The following DTNB variants were observed in gnomAD, a reference collection of about 807,000 sequenced individuals.
DTNB encodes dystrobrevin beta.
A neutral mutation model predicts 90.7 loss-of-function variants in DTNB; 63 were observed. The ratio of observed to expected loss-of-function variants is 0.69; its 90% confidence interval spans 0.57 to 0.86. DTNB has a LOEUF of 0.86. Among genes scored for constraint, DTNB ranks in the 40% least tolerant of loss-of-function variants. The probability of loss-of-function intolerance (pLI) is 0.00; values close to 1 mark genes in which losing one functional copy is unlikely to be tolerated. For missense variants in DTNB, 744 were observed against 807.1 expected, an observed-to-expected ratio of 0.92 and a Z score of 0.95; for synonymous variants, 277 against 286.7, an observed-to-expected ratio of 0.97 and a Z score of 0.34.
rs755650361 is a variant in DTNB, at chr2:25,387,247, G to A, written c.1825+42C>T. 1 of 1,588,096 alleles carries A rather than the reference G, an allele frequency of 6.3e-7. No individual in the cohort carries two copies. The highest frequency in any genetic ancestry group is 8.6e-7 in the Non-Finnish European group (1 of 1,161,502). Reference sequence around the variant, plus strand: ...AGGAAGTGAGAAGGGCGCGGGCAAGGCAGGGGAGGCCAGGAAGCTGGCTGG... The same window carrying A: ...AGGAAGTGAGAAGGGCGCGGGCAAGACAGGGGAGGCCAGGAAGCTGGCTGG... On this transcript the variant is annotated intron_variant, in intron 18 of 20. Transcript: ENST00000406818. The surrounding 1 kb of genome is among the most constrained non-coding windows in gnomAD (Gnocchi z 4.5).
In DTNB at chr2:25,462,009, T is replaced by G. The variant is rs547342726; in HGVS notation, c.1080-6515A>C. Among the ~76,000 whole-genome samples the G allele has an allele frequency of 2.0e-5, 3 of 152,302 alleles. No individual in the cohort carries two copies. The East Asian group carries it at 5.8e-4, about 29-fold the overall frequency. On this transcript the variant is annotated intron_variant, in intron 10 of 20. Coordinates refer to ENST00000406818, the MANE Select transcript of DTNB (RefSeq NM_021907.5). ...AGCCAATGCTAATGATGACCAGAGC[T>G]GAGGACAGAGGGTCTTGAATGGGAC...
At chr2:25,423,505 GAAAATTT>G (rs1482910118) in intron 15 of DTNB, among the ~76,000 whole-genome samples, 1 of 152,154 alleles carries the variant, frequency 6.6e-6, no homozygotes, top group Non-Finnish European at 1.5e-5. Flanking sequence ...TCTGTGGCAT[GAAAATTT>G]ACTGTGAGAT....
At chr2:25,601,176 G>A (rs2065808083) in intron 5 of DTNB, among the ~76,000 whole-genome samples, 2 of 152,196 alleles carry the variant, frequency 1.3e-5, no homozygotes, top group South Asian at 4.1e-4. Flanking sequence ...TATCAAAGAA[G>A]TGAATAAAAT....
intron 4 of DTNB, among the ~76,000 whole-genome samples, chr2:25,616,402 T>C (rs949931367): frequency 2.0e-5 from 3 of 152,170 alleles, no homozygotes; most frequent in Non-Finnish European, 4.4e-5. Flanking sequence ...ACACTTTGCA[T>C]CCTTATTCAA....
At chr2:25,661,681 T>A (rs1404160961) in intron 1 of DTNB, among the ~76,000 whole-genome samples, 1 of 152,226 alleles carries the variant, frequency 6.6e-6, no homozygotes, top group Non-Finnish European at 1.5e-5. Flanking sequence ...TTTTTTAGTA[T>A]CTGTTTAATT....
chr2:25,448,151 C>A (rs1196234732), intron 12 of DTNB, among the ~76,000 whole-genome samples: 1 of 152,208 alleles, frequency 6.6e-6, no homozygotes, highest in East Asian at 1.9e-4. Flanking sequence ...CAGCTCCCTG[C>A]ATTTTTCCTC....
At chr2:25,594,907 T>C (rs2064277843) in intron 6 of DTNB, 1 of 152,270 alleles carries the variant, frequency 6.6e-6, no homozygotes, top group Non-Finnish European at 1.5e-5. Flanking sequence ...ATAAACTTTA[T>C]TCAGATTTTT....
intron 4 of DTNB, among the ~76,000 whole-genome samples, chr2:25,626,651 T>C (rs2074227128): frequency 6.6e-6 from 1 of 152,252 alleles, no homozygotes; most frequent in East Asian, 1.9e-4. Context: ...CAATGTCTAA[T>C]CTGATAACGG....
intron 9 of DTNB, among the ~76,000 whole-genome samples, chr2:25,526,100 G>T (rs924753906): frequency 6.6e-6 from 1 of 151,922 alleles, no homozygotes; most frequent in South Asian, 2.1e-4. Flanking sequence ...GAATGAAAAC[G>T]AAGAGATTAA....
At chr2:25,388,676 G>A (rs535230048) in intron 16 of DTNB, 127 of 302,048 alleles carry the variant, frequency 4.2e-4, no homozygotes, top group African/African-American at 2.7e-3. Context: ...CTCTAGAAGG[G>A]CTTGGCTTGC....
chr2:25,420,481 T>C (rs911950226), intron 15 of DTNB, among the ~76,000 whole-genome samples: 4 of 71,614 alleles, frequency 5.6e-5, no homozygotes, highest in Non-Finnish European at 1.3e-4. Flanking sequence ...TATCTATCTA[T>C]CTATCTATCT....
intron 13 of DTNB, 52 bp from the exon 14 acceptor site, chr2:25,433,051 C>T: frequency 6.7e-7 from 1 of 1,495,734 alleles, no homozygotes; most frequent in Admixed American, 2.2e-5. Flanking sequence ...CTCACTCACG[C>T]TCCCTCTTTC....
At chr2:25,548,692 C>T (rs658414) in intron 8 of DTNB, among the ~76,000 whole-genome samples, 47,633 of 151,822 alleles carry the variant, frequency 0.31, 8,878 homozygotes, top group East Asian at 0.51. Flanking sequence ...TGGGCTAGTG[C>T]CTTCTATGCC....
At chr2:25,547,287 T>C (rs1380315317) in intron 8 of DTNB, among the ~76,000 whole-genome samples, 4 of 151,520 alleles carry the variant, frequency 2.6e-5, no homozygotes, top group Non-Finnish European at 5.9e-5. Context: ...TTTTTTAATC[T>C]ACCACTAAGA....
intron 9 of DTNB, among the ~76,000 whole-genome samples, chr2:25,490,864 A>T (rs2067247559): frequency 6.6e-6 from 1 of 152,200 alleles, no homozygotes; most frequent in Non-Finnish European, 1.5e-5. Context: ...AATTATTTAT[A>T]CATACACACA....
intron 1 of DTNB, among the ~76,000 whole-genome samples, chr2:25,666,990 T>A (rs996282019): frequency 6.6e-6 from 1 of 152,038 alleles, no homozygotes; most frequent in Non-Finnish European, 1.5e-5. Flanking sequence ...CCATACTCTA[T>A]GAGAGGATCG....
At chr2:25,508,593 G>A (rs935532052) in intron 9 of DTNB, among the ~76,000 whole-genome samples, 2 of 139,296 alleles carry the variant, frequency 1.4e-5, no homozygotes, top group African/African-American at 5.6e-5. Context: ...GGAGTGCAAC[G>A]TCATGATCTT....
At chr2:25,380,750 G>A (rs1322357589) in intron 19 of DTNB, among the ~76,000 whole-genome samples, 1 of 152,220 alleles carries the variant, frequency 6.6e-6, no homozygotes, top group African/African-American at 2.4e-5. Context: ...TGCAGAGACA[G>A]TGCCCTGGGG....
chr2:25,492,907 T>G (rs2067881338), intron 9 of DTNB, among the ~76,000 whole-genome samples: 1 of 152,176 alleles, frequency 6.6e-6, no homozygotes, highest in African/African-American at 2.4e-5. Context: ...CAAGTGAGAT[T>G]TGGGGCACCT....
Sources: allele counts gnomAD v4.1 joint callset (sites outside exome capture counted in the v4.1 genomes callset), GRCh38; gene constraint gnomAD v4.1.1; non-coding constraint Gnocchi (gnomAD v3.1); transcripts MANE v1.5; gene names NCBI Gene and HGNC (gene_info 2026-07-23, HGNC 2026-07-21).